Variants in EDIL3 observed in about 807,000 individuals in gnomAD.
The protein encoded by EDIL3 is EGF like and discoidin domains 3.
A neutral mutation model predicts 67.4 loss-of-function variants in EDIL3; 37 were observed. The observed-to-expected ratio is 0.55, with a 90% confidence interval of 0.42 to 0.72. The LOEUF is 0.72. Among genes scored for constraint, EDIL3 ranks in the 30% least tolerant of loss-of-function variants. The pLI, the probability that EDIL3 is intolerant of heterozygous loss-of-function variation, is 0.00. For missense variants in EDIL3, 527 were observed against 586.3 expected (o/e 0.90, Z 1.04); for synonymous variants, 195 against 196.3 (o/e 0.99, Z 0.05).
At chr5:83,988,993 T>C (rs756685954) in intron 9 of EDIL3, among the ~76,000 whole-genome samples, 3 of 152,282 alleles carry the variant, frequency 2.0e-5, no homozygotes, top group Middle Eastern at 6.8e-3. Context: ...TTTTACACCA[T>C]TGAAAGATGA....
At chr5:84,065,609 A>C (rs1392950690) in intron 7 of EDIL3, among the ~76,000 whole-genome samples, 1 of 151,148 alleles carries the variant, frequency 6.6e-6, no homozygotes, top group Non-Finnish European at 1.5e-5. Context: ...AAAATTTTCG[A>C]TGAAGAACTA....
intron 5 of EDIL3, among the ~76,000 whole-genome samples, chr5:84,121,558 T>G (rs979041140): frequency 1.7e-4 from 26 of 151,550 alleles, no homozygotes; most frequent in Non-Finnish European, 3.5e-4. Flanking sequence ...TCTATCTATC[T>G]ATCTATCTAT....
chr5:83,991,187 G>C (rs184735527), intron 9 of EDIL3, among the ~76,000 whole-genome samples: 5 of 152,096 alleles, frequency 3.3e-5, no homozygotes, highest in African/African-American at 1.2e-4. Flanking sequence ...CATTTTCACA[G>C]CTTTGTTTAG....
At chr5:84,291,828 C>CATATAT (rs200789310) in intron 1 of EDIL3, among the ~76,000 whole-genome samples, 2 of 147,914 alleles carry the variant, frequency 1.4e-5, no homozygotes, top group African/African-American at 5.0e-5. Context: ...TATATACACA[C>CATATAT]ACATATATAT....
At chr5:83,998,228 G>C (rs892024078) in intron 9 of EDIL3, among the ~76,000 whole-genome samples, 29 of 152,284 alleles carry the variant, frequency 1.9e-4, no homozygotes, top group Middle Eastern at 6.8e-3. Context: ...GGAAAGTAAA[G>C]AGGACTTGGT....
intron 4 of EDIL3, among the ~76,000 whole-genome samples, chr5:84,145,506 G>A (rs866436000): frequency 1.3e-5 from 2 of 151,996 alleles, no homozygotes; most frequent in Admixed American, 6.6e-5. Context: ...AGGGTGGAAG[G>A]GGACATGGGA....
At chr5:84,321,801 G>A (rs1007639251) in intron 1 of EDIL3, among the ~76,000 whole-genome samples, 9 of 152,094 alleles carry the variant, frequency 5.9e-5, no homozygotes, top group Admixed American at 2.0e-4. Context: ...CCCTTGAGAC[G>A]AAGTGACTTT....
chr5:84,327,269 C>A (rs910292607), intron 1 of EDIL3, among the ~76,000 whole-genome samples: 1 of 151,852 alleles, frequency 6.6e-6, no homozygotes, highest in Non-Finnish European at 1.5e-5. Context: ...TCTCACCATG[C>A]CTTTTTAATT....
chr5:84,384,060 A>G (rs1748161435), intron 1 of EDIL3, among the ~76,000 whole-genome samples: 1 of 151,708 alleles, frequency 6.6e-6, no homozygotes, highest in African/African-American at 2.4e-5. Flanking sequence ...ACCGCTCCCC[A>G]CCGTCCTCCT....
intron 9 of EDIL3, among the ~76,000 whole-genome samples, chr5:83,987,738 T>C (rs969923194): frequency 5.9e-5 from 9 of 152,106 alleles, no homozygotes; most frequent in Non-Finnish European, 1.0e-4. Context: ...AACCTCTGTA[T>C]CTTTGCTATA....
intron 5 of EDIL3, among the ~76,000 whole-genome samples, chr5:84,111,973 G>T (rs958695428): frequency 2.6e-5 from 4 of 152,180 alleles, no homozygotes; most frequent in African/African-American, 7.2e-5. Context: ...ATAGTGGAGA[G>T]AGGAGACAGG....
At chr5:84,099,893 AC>A (rs1047389765) in intron 6 of EDIL3, among the ~76,000 whole-genome samples, 5 of 147,428 alleles carry the variant, frequency 3.4e-5, no homozygotes, top group Non-Finnish European at 7.6e-5. Context: ...AGAAAAAAAA[AC>A]CCATCAAAAA....
chr5:84,226,572 C>G (rs560630978), intron 3 of EDIL3, among the ~76,000 whole-genome samples: 1 of 151,686 alleles, frequency 6.6e-6, no homozygotes, highest in Non-Finnish European at 1.5e-5. Context: ...TTAATTTACT[C>G]TTTTTATTAT....
chr5:84,294,972 G>A (rs539988521), intron 1 of EDIL3, among the ~76,000 whole-genome samples: 1 of 152,046 alleles, frequency 6.6e-6, no homozygotes. Context: ...ATACATTACA[G>A]TATAATTTAT....
At chr5:84,306,344 A>G (rs565780617) in intron 1 of EDIL3, among the ~76,000 whole-genome samples, 1 of 152,236 alleles carries the variant, frequency 6.6e-6, no homozygotes, top group Non-Finnish European at 1.5e-5. Flanking sequence ...TTTTAGAAAA[A>G]GGAACAAATT....
At chr5:84,313,046 A>G (rs2112146033) in intron 1 of EDIL3, among the ~76,000 whole-genome samples, 1 of 152,340 alleles carries the variant, frequency 6.6e-6, no homozygotes, top group Non-Finnish European at 1.5e-5. Context: ...TTACTAATAG[A>G]AATGGTCTGG....
chr5:83,959,078 A>C (rs1046960811), intron 10 of EDIL3, among the ~76,000 whole-genome samples: 4 of 150,858 alleles, frequency 2.7e-5, no homozygotes, highest in African/African-American at 9.7e-5. Flanking sequence ...GGTATTCAAA[A>C]ACTGACATCT....
intron 1 of EDIL3, among the ~76,000 whole-genome samples, chr5:84,261,527 T>A (rs1026953517): frequency 6.6e-6 from 1 of 152,242 alleles, no homozygotes; most frequent in South Asian, 2.1e-4. Flanking sequence ...CTTACCTTCA[T>A]ATGTACTTTA....
chr5:84,101,495 A>G (rs115989299), intron 6 of EDIL3, among the ~76,000 whole-genome samples: 1,655 of 152,200 alleles, frequency 0.011, 19 homozygotes, highest in Non-Finnish European at 0.015. Flanking sequence ...ACACAATTAG[A>G]AATGACAAAA....
Sources: gnomAD v4.1 joint callset for allele counts (sites outside exome capture counted in the v4.1 genomes callset) on GRCh38, gnomAD v4.1.1 for gene constraint, MANE v1.5 for transcripts, NCBI Gene and HGNC (gene_info 2026-07-23, HGNC 2026-07-21) for gene names.